CPEB3: variants seen among roughly 807,000 people sequenced by gnomAD.
CPEB3 encodes cytoplasmic polyadenylation element-binding protein 3.
Under a neutral mutation model 67.2 loss-of-function variants are expected in CPEB3, and 20 were observed. The observed-to-expected ratio is 0.30, with a 90% CI of 0.21 to 0.43. The LOEUF is 0.43. Among genes scored for constraint, CPEB3 ranks in the 20% least tolerant of loss-of-function variants. The pLI, the probability that CPEB3 is intolerant of heterozygous loss-of-function variation, is 1.00. For synonymous variants in CPEB3, 376 were observed against 393.1 expected (o/e 0.96, Z 0.51); for missense variants, 746 against 968.6 (o/e 0.77, Z 3.05).
chr10:92,185,181 C>T (rs1415094250), intron 3 of CPEB3, among the ~76,000 whole-genome samples: 1 of 152,154 alleles, frequency 6.6e-6, no homozygotes, highest in Non-Finnish European at 1.5e-5. Context: ...CGTGACATTT[C>T]GTCACCTGTC....
chr10:92,263,660 C>T (rs1330647140), intron 1 of CPEB3, among the ~76,000 whole-genome samples: 1 of 152,124 alleles, frequency 6.6e-6, no homozygotes, highest in African/African-American at 2.4e-5. Flanking sequence ...TACAGTGGGA[C>T]ATATTCTTAC....
chr10:92,259,178 G>T (rs1247444496), intron 1 of CPEB3, among the ~76,000 whole-genome samples: 3 of 150,672 alleles, frequency 2.0e-5, no homozygotes. Context: ...GGCCAGGCTG[G>T]TCTCAAACTC....
intron 4 of CPEB3, among the ~76,000 whole-genome samples, chr10:92,156,408 G>A (rs532299621): frequency 2.6e-4 from 40 of 152,196 alleles, no homozygotes; most frequent in African/African-American, 7.2e-4. Context: ...GACACAAAGC[G>A]GTGTTTCAGA....
chr10:92,155,693 C>T (rs2133913879), intron 4 of CPEB3, among the ~76,000 whole-genome samples: 1 of 152,310 alleles, frequency 6.6e-6, no homozygotes, highest in Middle Eastern at 3.4e-3. Flanking sequence ...CTCTCTCTCT[C>T]ATCATTCTCT....
chr10:92,176,511 G>A (rs1011963764), intron 4 of CPEB3, among the ~76,000 whole-genome samples: 2 of 152,202 alleles, frequency 1.3e-5, no homozygotes, highest in African/African-American at 2.4e-5. Flanking sequence ...ATGCCTTCCA[G>A]CCTGCTTCAA....
intron 9 of CPEB3, among the ~76,000 whole-genome samples, chr10:92,067,256 T>C (rs1842585923): frequency 6.6e-6 from 1 of 152,060 alleles, no homozygotes; most frequent in African/African-American, 2.4e-5. Flanking sequence ...ATCACAGCAC[T>C]TTGAGAGGCC....
chr10:92,099,890 G>C (rs1451255243), intron 7 of CPEB3, among the ~76,000 whole-genome samples: 1 of 151,632 alleles, frequency 6.6e-6, no homozygotes, highest in African/African-American at 2.4e-5. Flanking sequence ...GGCCAGGCAT[G>C]GTGGCTCATG....
At chr10:92,095,914 C>T (rs1219656251) in intron 7 of CPEB3, among the ~76,000 whole-genome samples, 2 of 151,684 alleles carry the variant, frequency 1.3e-5, no homozygotes, top group East Asian at 1.9e-4. Flanking sequence ...CTTGCTCTGT[C>T]GCCCAGGCTG....
In CPEB3 at chr10:92,051,278, T is replaced by C. The variant is rs1841888472; in HGVS notation, c.*934A>G. 6.6e-6 allele frequency: 1 copy of C among 152,668 alleles called. No individual in the cohort carries two copies. Among genetic ancestry groups the C allele is most frequent in the African/African-American group, 2.4e-5 (1 of 41,468 alleles). 9.5% of individuals were successfully genotyped at this position (152,668 alleles called of 1,614,324 possible). A position where few individuals can be genotyped will look rare whatever the true frequency, so the allele number is the denominator to read the frequency against. ...CTTATATAGATTCTTAATTTGTGCA[T>C]TGTGGGAACGTTTTATACTAGACAT... is the stretch of plus-strand genomic sequence containing the variant. On this transcript the variant is annotated 3_prime_UTR_variant, in exon 10 of 10. Transcript: ENST00000265997.
At chr10:92,236,641 C>T (rs776171080) in intron 2 of CPEB3, among the ~76,000 whole-genome samples, 2 of 151,982 alleles carry the variant, frequency 1.3e-5, no homozygotes, top group African/African-American at 2.4e-5. Context: ...CCCAGCTACT[C>T]GGGAGGCTGA....
chr10:92,122,572 C>G (rs1348363252), intron 6 of CPEB3, among the ~76,000 whole-genome samples: 1 of 152,178 alleles, frequency 6.6e-6, no homozygotes. Context: ...AATTCTTGTT[C>G]TTAAGGAGTT....
chr10:92,080,367 T>C (rs1843099638), intron 9 of CPEB3, among the ~76,000 whole-genome samples: 2 of 152,120 alleles, frequency 1.3e-5, no homozygotes, highest in East Asian at 1.9e-4. Context: ...TCTGCAAAAC[T>C]ATTAAGTACA....
chr10:92,197,329 A>G (rs918177855), intron 2 of CPEB3, among the ~76,000 whole-genome samples: 12 of 152,190 alleles, frequency 7.9e-5, no homozygotes, highest in Non-Finnish European at 2.9e-5. Flanking sequence ...TAAGTGATTA[A>G]CCAGGAAGTC....
chr10:92,253,602 G>GC (rs1268355374), intron 1 of CPEB3, among the ~76,000 whole-genome samples: 29 of 151,990 alleles, frequency 1.9e-4, no homozygotes, highest in African/African-American at 7.0e-4. Context: ...AATTAGCCAG[G>GC]CATGGTGGCA....
intron 1 of CPEB3, among the ~76,000 whole-genome samples, chr10:92,288,304 AT>A (rs1564935393): frequency 6.6e-6 from 1 of 151,986 alleles, no homozygotes; most frequent in Non-Finnish European, 1.5e-5. Context: ...TACAAAAAAA[AT>A]TTTTTTAAGC....
intron 6 of CPEB3, among the ~76,000 whole-genome samples, chr10:92,127,647 C>A (rs1845663920): frequency 6.6e-6 from 1 of 152,090 alleles, no homozygotes; most frequent in Non-Finnish European, 1.5e-5. Flanking sequence ...CCATTGCACT[C>A]CAGCCTGGGC....
intron 2 of CPEB3, among the ~76,000 whole-genome samples, chr10:92,227,597 CT>C (rs1181315169): frequency 1.1e-3 from 150 of 142,272 alleles, no homozygotes; most frequent in Middle Eastern, 3.6e-3. Flanking sequence ...TTATTTTTTT[CT>C]TTTTTTTTTT....
At chr10:92,257,359 A>G (rs1396808628) in intron 1 of CPEB3, among the ~76,000 whole-genome samples, 4 of 152,186 alleles carry the variant, frequency 2.6e-5, no homozygotes, top group Non-Finnish European at 5.9e-5. Flanking sequence ...CAGTGGTACC[A>G]TCAGAGCTCA....
intron 6 of CPEB3, among the ~76,000 whole-genome samples, chr10:92,121,818 C>T (rs1246207102): frequency 6.6e-6 from 1 of 152,164 alleles, no homozygotes; most frequent in Non-Finnish European, 1.5e-5. Context: ...GCTCTCTCCT[C>T]TCACAAAATC....
Sources: gnomAD v4.1 joint callset for allele counts (sites outside exome capture counted in the v4.1 genomes callset) on GRCh38, gnomAD v4.1.1 for gene constraint, MANE v1.5 for transcripts, NCBI Gene and HGNC (gene_info 2026-07-23, HGNC 2026-07-21) for gene names.